The following WWC1 variants were observed in gnomAD, a reference collection of about 807,000 sequenced individuals.
The protein encoded by WWC1 is WW and C2 domain containing 1, also known as protein KIBRA.
A neutral mutation model predicts 138.4 loss-of-function variants in WWC1; 55 were observed. That is an observed-to-expected ratio of 0.40 (90% CI 0.32 to 0.50). WWC1 has a LOEUF of 0.50. WWC1 is among the 20% of genes least tolerant of loss of function. The probability of loss-of-function intolerance (pLI) is 0.72; values close to 1 mark genes in which losing one functional copy is unlikely to be tolerated. For synonymous variants in WWC1, 524 were observed against 564.9 expected, an observed-to-expected ratio of 0.93 and a Z score of 1.03; for missense variants, 1,226 against 1,420.4, an observed-to-expected ratio of 0.86 and a Z score of 2.20.
intron 3 of WWC1, among the ~76,000 whole-genome samples, chr5:168,394,701 G>A (rs973843488): frequency 1.3e-5 from 2 of 152,160 alleles, no homozygotes; most frequent in African/African-American, 4.8e-5. Context: ...ATTCCAGCCT[G>A]GGCAACAGAG....
At chr5:168,434,192 A>T (rs191854419) in intron 15 of WWC1, among the ~76,000 whole-genome samples, 1 of 152,282 alleles carries the variant, frequency 6.6e-6, no homozygotes, top group East Asian at 1.9e-4. Flanking sequence ...CTCCTTCCTA[A>T]TTGAAGTCTG....
At chr5:168,356,742 A>G (rs1424606078) in intron 1 of WWC1, among the ~76,000 whole-genome samples, 22 of 152,202 alleles carry the variant, frequency 1.4e-4, no homozygotes, top group Admixed American at 1.4e-3. Flanking sequence ...AGTAGGAGAC[A>G]GAGGCCTTGT....
intron 15 of WWC1, among the ~76,000 whole-genome samples, chr5:168,439,052 T>G (rs1561767614): frequency 3.3e-5 from 5 of 152,162 alleles, no homozygotes; most frequent in Admixed American, 2.6e-4. Flanking sequence ...TGTGCACATA[T>G]GATCATGGTC....
intron 15 of WWC1, among the ~76,000 whole-genome samples, chr5:168,436,582 C>G (rs1202889648): frequency 6.6e-6 from 1 of 152,164 alleles, no homozygotes; most frequent in Non-Finnish European, 1.5e-5. Flanking sequence ...AAAATAGGAC[C>G]TCAAACGAAC....
intron 8 of WWC1, among the ~76,000 whole-genome samples, chr5:168,412,535 C>A (rs1168155024): frequency 1.3e-5 from 2 of 152,170 alleles, no homozygotes; most frequent in African/African-American, 4.8e-5. Flanking sequence ...GGAGCCCCTG[C>A]CCGGCCTTAC....
At chr5:168,447,417 T>G (rs181487448) in intron 17 of WWC1, among the ~76,000 whole-genome samples, 212 of 152,334 alleles carry the variant, frequency 1.4e-3, no homozygotes, top group African/African-American at 4.9e-3. Context: ...TGTTGCAGTG[T>G]GAAAGCAGCC....
In WWC1 at chr5:168,292,249, A is replaced by G. The variant is rs1769111153; in HGVS notation, c.97A>G (p.Ser33Gly). 1 of 1,599,156 alleles carries G rather than the reference A, an allele frequency of 6.3e-7. No homozygotes were observed. The highest frequency in any genetic ancestry group is 8.5e-7 in the Non-Finnish European group (1 of 1,173,606). ...YYIDHTNRTT[S>G]WIDPRDRYTK... ...CATAGACCACACGAACCGCACCACCAGCTGGATCGACCCGCGGGACAGGTA... is the reference window on the plus strand; with the variant it reads ...CATAGACCACACGAACCGCACCACCGGCTGGATCGACCCGCGGGACAGGTA... The change falls in exon 1 of 23, where the codon AGC becomes GGC. Residue 33 changes from serine to glycine, a missense_variant. Around this residue, in one of 3 missense-constraint regions of WWC1, gnomAD observed 1,016 missense variants for 1,153.9 expected, o/e 0.88. Coordinates refer to ENST00000265293, the MANE Select transcript of WWC1 (RefSeq NM_015238.3). The surrounding 1 kb of genome is among the most constrained non-coding windows in gnomAD (Gnocchi z 4.4).
chr5:168,370,780 G>A (rs905923786), intron 1 of WWC1, among the ~76,000 whole-genome samples: 3 of 152,228 alleles, frequency 2.0e-5, no homozygotes. Context: ...ATCCCCACAA[G>A]ATGGGGACAT....
chr5:168,468,916 A>C, intron 22 of WWC1, 35 bp from the exon 23 acceptor site: 1 of 1,611,236 alleles, frequency 6.2e-7, no homozygotes, highest in South Asian at 1.1e-5. Flanking sequence ...GCGAGGTTGA[A>C]AACCCCTGCT....
At chr5:168,451,112 G>A (rs183482517) in intron 17 of WWC1, among the ~76,000 whole-genome samples, 68 of 151,760 alleles carry the variant, frequency 4.5e-4, no homozygotes, top group African/African-American at 1.6e-3. Flanking sequence ...TCCACCTCCC[G>A]GATTCAAGCG....
At chr5:168,368,243 A>C (rs1252699602) in intron 1 of WWC1, among the ~76,000 whole-genome samples, 1 of 152,092 alleles carries the variant, frequency 6.6e-6, no homozygotes, top group Non-Finnish European at 1.5e-5. Context: ...GGTGTAAGCC[A>C]CCACACCTGG....
chr5:168,441,627 C>T (rs1429557536), intron 15 of WWC1, 55 bp from the exon 16 acceptor site: 39 of 1,583,144 alleles, frequency 2.5e-5, no homozygotes, highest in Non-Finnish European at 3.2e-5. Context: ...AATTCCCTGA[C>T]ACCTGGTGTC....
At chr5:168,432,641 C>T (rs1299626032) in intron 15 of WWC1, among the ~76,000 whole-genome samples, 1 of 152,232 alleles carries the variant, frequency 6.6e-6, no homozygotes. Context: ...TCCACTCATG[C>T]TCAGATCTGT....
In WWC1 at chr5:168,423,666, T is replaced by G. The variant is rs1308407368; in HGVS notation, c.1408T>G (p.Phe470Val). Residue 470 changes from phenylalanine to valine, a missense_variant, in exon 11 of 23, where the codon TTT (phenylalanine) becomes GTT (valine). Coordinates refer to ENST00000265293, the MANE Select transcript of WWC1 (RefSeq NM_015238.3). ...CTTCACTGACCTCTACTATGACCCC[T>G]TTGAGCAGCTGGACTCAGAGCTGCA... ...ASFTDLYYDP[F>V]EQLDSELQSK... 1 of 1,614,046 alleles carries G rather than the reference T, an allele frequency of 6.2e-7. No individual in the cohort carries two copies. Among genetic ancestry groups the G allele is most frequent in the Non-Finnish European group, 8.5e-7 (1 of 1,180,030 alleles).
At chr5:168,310,836 T>TG (rs1771005651) in intron 1 of WWC1, among the ~76,000 whole-genome samples, 1 of 112,198 alleles carries the variant, frequency 8.9e-6, no homozygotes, top group East Asian at 2.2e-4. Flanking sequence ...AGACCCTGTC[T>TG]AAAAAAAAAG....
chr5:168,390,636 A>G lies in WWC1; in HGVS notation c.433+5222A>G, dbSNP rs116020135. On this transcript the variant is annotated intron_variant, in intron 3 of 22. Coordinates refer to ENST00000265293, the MANE Select transcript of WWC1 (RefSeq NM_015238.3). ...ACAAGCCAGGTTTGCCTTCCAAGTC[A>G]AGCTCTTGGCATGACAGATGGATGA... Among the ~76,000 whole-genome samples the G allele has an allele frequency of 8.1e-3, 1,238 of 152,344 alleles. 21 individuals are homozygous for G. The highest frequency in any genetic ancestry group is 0.029 in the African/African-American group (1,193 of 41,580).
At chr5:168,460,822 C>T (rs1756741526) in intron 20 of WWC1, 80 bp downstream of exon 20, 1 of 1,411,262 alleles carries the variant, frequency 7.1e-7, no homozygotes, top group Non-Finnish European at 9.9e-7. Context: ...ACACACATCT[C>T]CTAATGTCTG....
intron 1 of WWC1, among the ~76,000 whole-genome samples, chr5:168,302,760 C>T (rs1448168830): frequency 6.6e-6 from 1 of 152,132 alleles, no homozygotes; most frequent in Non-Finnish European, 1.5e-5. Context: ...TGGACACGTT[C>T]AGTCATTTAA....
chr5:168,400,927 C>T (rs534414476), intron 5 of WWC1, among the ~76,000 whole-genome samples: 23 of 147,386 alleles, frequency 1.6e-4, no homozygotes, highest in Non-Finnish European at 2.2e-4. Context: ...GGAAAAAGAA[C>T]GAGAGAGAAA....
Sources: gnomAD v4.1 joint callset for allele counts (sites outside exome capture counted in the v4.1 genomes callset) on GRCh38, gnomAD v4.1.1 for gene constraint, gnomAD v4.1.1 regional missense constraint, Gnocchi (gnomAD v3.1) non-coding constraint, MANE v1.5 for transcripts, NCBI Gene and HGNC (gene_info 2026-07-23, HGNC 2026-07-21) for gene names.